The following CDK14 variants were observed in gnomAD, a reference collection of about 807,000 sequenced individuals.
CDK14 encodes the protein cyclin dependent kinase 14.
A neutral mutation model predicts 60.7 loss-of-function variants in CDK14; 34 were observed. The ratio of observed to expected loss-of-function variants is 0.56; its 90% confidence interval spans 0.43 to 0.75. CDK14 has a LOEUF of 0.75. Ranked by LOEUF, CDK14 falls within the 30% of genes least tolerant of loss-of-function variation. CDK14 has a pLI of 0.00. For missense variants in CDK14, 482 were observed against 564.1 expected (o/e 0.85, Z 1.47); for synonymous variants, 197 against 203.7 (o/e 0.97, Z 0.28).
intron 14 of CDK14, among the ~76,000 whole-genome samples, chr7:91,206,677 G>T (rs1055731257): frequency 2.0e-5 from 3 of 152,142 alleles, no homozygotes; most frequent in Non-Finnish European, 4.4e-5. Context: ...TTTTCATTCT[G>T]CTGGAACTGA....
At chr7:91,022,356 G>A (rs535605327) in intron 10 of CDK14, among the ~76,000 whole-genome samples, 27 of 152,288 alleles carry the variant, frequency 1.8e-4, no homozygotes, top group South Asian at 1.0e-3. Flanking sequence ...GGTCCTGTGC[G>A]TTGTAGGATA....
intron 2 of CDK14, among the ~76,000 whole-genome samples, chr7:90,643,679 G>A (rs1800396755): frequency 6.6e-6 from 1 of 152,150 alleles, no homozygotes; most frequent in South Asian, 2.1e-4. Context: ...TGATGGCTGA[G>A]TTAGGAAGCC....
At chr7:91,002,185 C>A (rs1795855997) in intron 10 of CDK14, among the ~76,000 whole-genome samples, 1 of 151,962 alleles carries the variant, frequency 6.6e-6, no homozygotes, top group African/African-American at 2.4e-5. Context: ...GCCAAATTTC[C>A]CCTGTGTAGT....
intron 14 of CDK14, among the ~76,000 whole-genome samples, chr7:91,146,416 G>A (rs1335524609): frequency 6.6e-6 from 1 of 151,364 alleles, no homozygotes; most frequent in Non-Finnish European, 1.5e-5. Flanking sequence ...GGCCCTGCTG[G>A]TCTTGAACTC....
intron 8 of CDK14, among the ~76,000 whole-genome samples, chr7:90,939,355 A>G (rs1159151245): frequency 1.3e-5 from 2 of 152,254 alleles, no homozygotes; most frequent in Admixed American, 6.5e-5. Context: ...TTTGTCTAGT[A>G]TAGCACAAGA....
chr7:91,055,304 A>G (rs80325023), intron 11 of CDK14, among the ~76,000 whole-genome samples: 3,008 of 152,342 alleles, frequency 0.02, 45 homozygotes, highest in Non-Finnish European at 0.031. Flanking sequence ...CATTTCCCCT[A>G]CAATAGGTAG....
chr7:90,649,325 C>CT (rs1224783903), intron 2 of CDK14, among the ~76,000 whole-genome samples: 14 of 39,660 alleles, frequency 3.5e-4, no homozygotes, highest in Non-Finnish European at 4.9e-4. Flanking sequence ...TCCTTCCTTC[C>CT]TTCCTTCCTT....
At chr7:90,767,018 T>C (rs1804592942) in intron 4 of CDK14, among the ~76,000 whole-genome samples, 1 of 152,098 alleles carries the variant, frequency 6.6e-6, no homozygotes, top group South Asian at 2.1e-4. Context: ...CTCCCCTCTG[T>C]CCATCTGCAA....
intron 5 of CDK14, among the ~76,000 whole-genome samples, chr7:90,791,302 T>C (rs965499620): frequency 1.3e-5 from 2 of 152,186 alleles, no homozygotes; most frequent in Non-Finnish European, 2.9e-5. Context: ...GAGAATAAAA[T>C]ATCTTTTTTT....
rs576191088 is a variant in CDK14, at chr7:91,110,927, G to A, written c.1155-1615G>A. On this transcript the variant is annotated intron_variant, in intron 12 of 14. Coordinates refer to ENST00000380050, the MANE Select transcript of CDK14 (RefSeq NM_001287135.2). ...AATATGAATGAAAAGTTGTACTAGT[G>A]ATAAAGTCTTGGGAAGAGGAAGGAA... Among the ~76,000 whole-genome samples the A allele has an allele frequency of 1.1e-3, 164 of 152,282 alleles. 3 individuals are homozygous for A. In the South Asian group the frequency reaches 0.033, roughly 31 times the overall value.
chr7:90,880,536 A>G (rs1791712298), intron 6 of CDK14, among the ~76,000 whole-genome samples: 1 of 152,168 alleles, frequency 6.6e-6, no homozygotes, highest in Non-Finnish European at 1.5e-5. Flanking sequence ...GGCAGCCCAG[A>G]TGAGTGGGTT....
intron 14 of CDK14, among the ~76,000 whole-genome samples, chr7:91,134,504 C>T (rs964722138): frequency 6.6e-6 from 1 of 152,068 alleles, no homozygotes; most frequent in Non-Finnish European, 1.5e-5. Context: ...ACTGGGAAGG[C>T]AAAATCATTA....
chr7:91,073,391 C>G (rs1224512175), intron 11 of CDK14, among the ~76,000 whole-genome samples: 3 of 152,102 alleles, frequency 2.0e-5, no homozygotes, highest in Admixed American at 2.0e-4. Context: ...AATTTCATAT[C>G]CAGCCAAACT....
intron 8 of CDK14, among the ~76,000 whole-genome samples, chr7:90,954,630 T>TAGAGGGAAAAAAAAAACAGACCTACAAA (rs770504698): frequency 1.1e-4 from 2 of 18,186 alleles, no homozygotes; most frequent in Non-Finnish European, 2.5e-4. Flanking sequence ...TTTTTTTTTT[T>TAGAGGGAAAAAAAAAACAGACCTACAAA]TTTTTTTTTT....
intron 10 of CDK14, among the ~76,000 whole-genome samples, chr7:91,033,882 T>C (rs1033942007): frequency 6.6e-6 from 1 of 152,048 alleles, no homozygotes; most frequent in African/African-American, 2.4e-5. Context: ...GTTGTTGAGA[T>C]GAGAGTGAAA....
chr7:91,199,053 C>T (rs73708287), intron 14 of CDK14, among the ~76,000 whole-genome samples: 2,316 of 152,162 alleles, frequency 0.015, 57 homozygotes, highest in African/African-American at 0.053. Flanking sequence ...TTTAGTAGGA[C>T]TGTAATATAT....
intron 12 of CDK14, among the ~76,000 whole-genome samples, chr7:91,097,598 A>AG (rs1248430225): frequency 6.6e-6 from 1 of 151,166 alleles, no homozygotes; most frequent in Non-Finnish European, 1.5e-5. Context: ...AATGAGAAAA[A>AG]AAAAACAAGC....
intron 14 of CDK14, among the ~76,000 whole-genome samples, chr7:91,176,655 C>T (rs571491510): frequency 1.3e-5 from 2 of 152,052 alleles, no homozygotes; most frequent in African/African-American, 4.8e-5. Context: ...GAAATACAAA[C>T]TACCATCAGA....
chr7:91,097,921 G>C (rs1799042374), intron 12 of CDK14, among the ~76,000 whole-genome samples: 1 of 152,170 alleles, frequency 6.6e-6, no homozygotes, highest in African/African-American at 2.4e-5. Context: ...CTGTGTAATG[G>C]GAAGAGATGA....
Sources: allele counts gnomAD v4.1 joint callset (sites outside exome capture counted in the v4.1 genomes callset), GRCh38; gene constraint gnomAD v4.1.1; transcripts MANE v1.5; gene names NCBI Gene and HGNC (gene_info 2026-07-23, HGNC 2026-07-21).